RAPGEF4: variants seen among roughly 807,000 people sequenced by gnomAD.
RAPGEF4 encodes the protein RAP guanine-nucleotide-exchange factor (GEF) 4.
In RAPGEF4, 66 loss-of-function variants were observed where a neutral mutation model predicts 147.9. That is an observed-to-expected ratio of 0.45 (90% confidence interval 0.37 to 0.55). RAPGEF4 has a LOEUF of 0.55. Among genes scored for constraint, RAPGEF4 ranks in the 20% least tolerant of loss-of-function variants. The pLI, the probability that RAPGEF4 is intolerant of heterozygous loss-of-function variation, is 0.00. For synonymous variants in RAPGEF4, 419 were observed against 442.7 expected, an observed-to-expected ratio of 0.95 and a Z score of 0.67; for missense variants, 1,071 against 1,257.3, an observed-to-expected ratio of 0.85 and a Z score of 2.24.
Position 172,983,500 on chromosome 2 carries a change from G to A in RAPGEF4, c.1009G>A (p.Gly337Ser), listed in dbSNP as rs1199801794. 1 of 1,607,158 alleles carries A rather than the reference G, an allele frequency of 6.2e-7. No individual in the cohort carries two copies. The highest frequency in any genetic ancestry group is 8.5e-7 in the Non-Finnish European group (1 of 1,178,536). ...HMRMILRKPP[G>S]QRTVDDLEII... Reference sequence around the variant, plus strand: ...TTTTTTTTTTTATCTTTGTAGACCTGGCCAGAGGACTGTGGATGACCTAGA... The same window carrying A: ...TTTTTTTTTTTATCTTTGTAGACCTAGCCAGAGGACTGTGGATGACCTAGA... Residue 337 changes from glycine (G) to serine (S), a missense_variant, in exon 11 of 31, where the codon GGC (glycine) becomes AGC (serine). Gly to Ser is a moderately conservative substitution (Grantham distance 56). Coordinates refer to ENST00000397081, the MANE Select transcript of RAPGEF4 (RefSeq NM_007023.4).
intron 1 of RAPGEF4, among the ~76,000 whole-genome samples, chr2:172,792,951 A>G (rs1034146825): frequency 2.2e-4 from 33 of 152,352 alleles, no homozygotes; most frequent in Admixed American, 8.5e-4. Context: ...GGAACAAGAT[A>G]CCACAAACTG....
intron 17 of RAPGEF4, among the ~76,000 whole-genome samples, chr2:173,007,692 A>G (rs897088697): frequency 2.0e-5 from 3 of 152,222 alleles, no homozygotes; most frequent in African/African-American, 4.8e-5. Flanking sequence ...CAGTTTTTAT[A>G]TAAGTAGGGA....
At chr2:172,903,883 C>T (rs1252867442) in intron 4 of RAPGEF4, among the ~76,000 whole-genome samples, 1 of 152,108 alleles carries the variant, frequency 6.6e-6, no homozygotes, top group East Asian at 1.9e-4. Flanking sequence ...GTGGGAAGCC[C>T]AGGTGTCTCT....
chr2:172,924,171 G>A (rs1254797623), intron 6 of RAPGEF4, among the ~76,000 whole-genome samples: 2 of 152,174 alleles, frequency 1.3e-5, no homozygotes, highest in Non-Finnish European at 2.9e-5. Context: ...CAGTGATGTG[G>A]GGAGCTCACA....
intron 4 of RAPGEF4, among the ~76,000 whole-genome samples, chr2:172,815,210 G>A (rs1205034477): frequency 1.3e-5 from 2 of 152,204 alleles, no homozygotes; most frequent in Non-Finnish European, 2.9e-5. Flanking sequence ...TGCAGGCTTC[G>A]CCACTGGTCC....
intron 4 of RAPGEF4, among the ~76,000 whole-genome samples, chr2:172,907,589 T>C (rs1699752998): frequency 6.6e-6 from 1 of 152,222 alleles, no homozygotes; most frequent in African/African-American, 2.4e-5. Flanking sequence ...TGGTACATTA[T>C]AAAATTATTT....
At chr2:172,741,775 G>T (rs754998116) in intron 1 of RAPGEF4, among the ~76,000 whole-genome samples, 2 of 152,198 alleles carry the variant, frequency 1.3e-5, no homozygotes, top group Admixed American at 1.3e-4. Context: ...GGGTTCAAAC[G>T]ATCCTCCTGC....
chr2:173,003,911 T>C (rs1271146138), intron 17 of RAPGEF4, among the ~76,000 whole-genome samples: 1 of 152,232 alleles, frequency 6.6e-6, no homozygotes, highest in African/African-American at 2.4e-5. Context: ...ATATTAGGGA[T>C]AGTAAAATAC....
rs542017490 is a variant in RAPGEF4 at position 172,975,638 on chromosome 2, CA to C, written c.1005-7854del. Among the ~76,000 whole-genome samples the C allele has an allele frequency of 3.2e-4, 48 of 152,308 alleles. 1 individual carries two copies. In the South Asian group the frequency reaches 9.9e-3, roughly 32 times the overall value. Reference sequence around the variant, plus strand: ...TACTGAATAAGCAGTGAAATAACCACAAAATATGGATAATCTATGTCCCTGA... The same window carrying C: ...TACTGAATAAGCAGTGAAATAACCACAAATATGGATAATCTATGTCCCTGA... On this transcript the variant is annotated intron_variant, in intron 10 of 30. Coordinates refer to ENST00000397081, the MANE Select transcript of RAPGEF4 (RefSeq NM_007023.4).
chr2:173,031,641 T>C (rs919174680), intron 26 of RAPGEF4, among the ~76,000 whole-genome samples: 1 of 152,130 alleles, frequency 6.6e-6, no homozygotes, highest in African/African-American at 2.4e-5. Context: ...GAACCCTCTT[T>C]CCCAGTCTAA....
At chr2:172,830,838 T>C (rs1164205214) in intron 4 of RAPGEF4, among the ~76,000 whole-genome samples, 4 of 152,194 alleles carry the variant, frequency 2.6e-5, no homozygotes, top group Non-Finnish European at 5.9e-5. Context: ...AATACATACA[T>C]GTGGTACAAA....
chr2:172,820,793 C>T (rs1043762138), intron 4 of RAPGEF4, among the ~76,000 whole-genome samples: 1 of 151,940 alleles, frequency 6.6e-6, no homozygotes, highest in Non-Finnish European at 1.5e-5. Context: ...ATGACTGTCT[C>T]TATTCCCTAA....
chr2:172,881,659 G>A (rs1316151103), intron 4 of RAPGEF4, among the ~76,000 whole-genome samples: 1 of 152,216 alleles, frequency 6.6e-6, no homozygotes, highest in Non-Finnish European at 1.5e-5. Context: ...AGGAAAATAA[G>A]ATGGGCACTC....
intron 4 of RAPGEF4, among the ~76,000 whole-genome samples, chr2:172,837,972 C>A (rs1035848897): frequency 6.6e-6 from 1 of 152,182 alleles, no homozygotes; most frequent in African/African-American, 2.4e-5. Context: ...TAAGTTAAAT[C>A]CAACAAACAT....
chr2:172,928,241 A>G (rs1044497846), intron 6 of RAPGEF4: 1 of 454,638 alleles, frequency 2.2e-6, no homozygotes, highest in Non-Finnish European at 4.4e-6. Flanking sequence ...TATGCATTTT[A>G]TGGGGCAGAC....
At chr2:172,911,758 C>CTTTTTTTTTT (rs34659758) in intron 4 of RAPGEF4, among the ~76,000 whole-genome samples, 1 of 63,220 alleles carries the variant, frequency 1.6e-5, no homozygotes, top group Non-Finnish European at 2.7e-5. Context: ...TGTGCTAAGC[C>CTTTTTTTTTT]TTTTTTTTTT....
intron 4 of RAPGEF4, among the ~76,000 whole-genome samples, chr2:172,902,270 TG>T: frequency 6.6e-6 from 1 of 151,874 alleles, no homozygotes; most frequent in Non-Finnish European, 1.5e-5. Flanking sequence ...GAGCTGGGAT[TG>T]GAGCCCATGT....
At position 173,026,679 on chromosome 2, in the gene RAPGEF4, C is replaced by T. The variant is rs112316891; in HGVS notation, c.2361C>T (p.Leu787=). The change falls in exon 24 of 31, where the codon CTC becomes CTT. Residue 787 remains leucine, a synonymous_variant. Transcript: ENST00000397081. ...AYQMTIYDWE[L]FNCVHELELI... ...AGATGACAATTTATGATTGGGAACT[C>T]TTCAACTGCGTGCATGAGGTAAGAT... is the stretch of plus-strand genomic sequence containing the variant. The T allele has an allele frequency of 2.7e-5, 44 of 1,613,976 alleles. No homozygotes were observed. In the African/African-American group the frequency reaches 3.5e-4, roughly 13 times the overall value.
chr2:172,917,289 G>A (rs892296555), intron 4 of RAPGEF4, among the ~76,000 whole-genome samples: 1 of 152,204 alleles, frequency 6.6e-6, no homozygotes, highest in East Asian at 1.9e-4. Context: ...TAAACAGGCA[G>A]GTGTACGATG....
Sources: allele counts gnomAD v4.1 joint callset (sites outside exome capture counted in the v4.1 genomes callset), GRCh38; gene constraint gnomAD v4.1.1; transcripts MANE v1.5; gene names NCBI Gene and HGNC (gene_info 2026-07-23, HGNC 2026-07-21).